Variants in DLGAP2 observed in about 807,000 individuals in gnomAD.
DLGAP2 encodes the protein DLG associated protein 2, also known as disks large-associated protein 2.
Under a neutral mutation model 100.3 loss-of-function variants are expected in DLGAP2, and 26 were observed. That is an observed-to-expected ratio of 0.26 (90% CI 0.19 to 0.36). The LOEUF (loss-of-function observed/expected upper bound fraction) is 0.36. Ranked by LOEUF, DLGAP2 falls within the 10% of genes least tolerant of loss-of-function variation. The probability of loss-of-function intolerance (pLI) is 1.00; values close to 1 mark genes in which losing one functional copy is unlikely to be tolerated. For synonymous variants in DLGAP2, 886 were observed against 630.1 expected, an observed-to-expected ratio of 1.41 and a Z score of -6.08; for missense variants, 1,858 against 1,453.2, an observed-to-expected ratio of 1.28 and a Z score of -4.53.
chr8:1,162,072 T>G (rs1232590306), intron 2 of DLGAP2, among the ~76,000 whole-genome samples: 1 of 152,170 alleles, frequency 6.6e-6, no homozygotes, highest in Non-Finnish European at 1.5e-5. Flanking sequence ...CAGCAGAAGT[T>G]CCAGCTGATT....
chr8:1,560,121 A>C (rs954025196), intron 5 of DLGAP2, among the ~76,000 whole-genome samples: 8 of 152,254 alleles, frequency 5.3e-5, no homozygotes, highest in Non-Finnish European at 1.0e-4. Flanking sequence ...TCATGTAGAC[A>C]ATTTAAAAAT....
At chr8:1,085,682 A>C (rs1055203234) in intron 2 of DLGAP2, among the ~76,000 whole-genome samples, 1 of 152,210 alleles carries the variant, frequency 6.6e-6, no homozygotes, top group African/African-American at 2.4e-5. Flanking sequence ...TTTGTAGTAT[A>C]GATTGAAATC....
chr8:1,270,672 G>T (rs1799563244), intron 3 of DLGAP2, among the ~76,000 whole-genome samples: 1 of 150,654 alleles, frequency 6.6e-6, no homozygotes, highest in Non-Finnish European at 1.5e-5. Context: ...GTCTCTGTGT[G>T]TGTCTCTCTA....
intron 3 of DLGAP2, among the ~76,000 whole-genome samples, chr8:1,420,597 C>G (rs115161076): frequency 6.6e-6 from 1 of 152,210 alleles, no homozygotes; most frequent in Non-Finnish European, 1.5e-5. Context: ...CTATGTTGAG[C>G]ATCAATGTCA....
In DLGAP2 at chr8:1,548,941, G is replaced by T; in HGVS notation, c.488G>T (p.Arg163Leu). 1 of 1,598,686 alleles carries T rather than the reference G, an allele frequency of 6.3e-7. No homozygotes were observed. The highest frequency in any genetic ancestry group is 8.5e-7 in the Non-Finnish European group (1 of 1,179,338). The change falls in exon 5 of 15, where the codon CGG becomes CTG. Residue 163 changes from arginine to leucine, a missense_variant. Transcript: ENST00000637795. Reference protein sequence around the residue: ...GDHVSSSTFPRMHYSSHYDTR... With the variant: ...GDHVSSSTFPLMHYSSHYDTR... The stretch of plus-strand genomic sequence containing the variant: ...CACGTGTCCAGCAGCACCTTCCCGC[G>T]GATGCACTACAGCTCGCACTACGAC...
chr8:1,032,312 C>G (rs536623692), intron 2 of DLGAP2, among the ~76,000 whole-genome samples: 1 of 152,188 alleles, frequency 6.6e-6, no homozygotes, highest in African/African-American at 2.4e-5. Flanking sequence ...CAGCTGCACC[C>G]GCTCCAGTTG....
rs553280914 is a variant in DLGAP2 at position 1,538,671 on chromosome 8, C to T, written c.173-9955C>T. On this transcript the variant is annotated intron_variant, in intron 4 of 14. Transcript: ENST00000637795. ...TGCGAGTGTCTAGAATGCCCTGGCC[C>T]TCTTTTCTAGGAATTGGATTGTACC... 4.6e-3 allele frequency among the ~76,000 whole-genome samples: 697 copies of T among 152,248 alleles called. 6 individuals are homozygous for T. Among genetic ancestry groups the T allele is most frequent in the African/African-American group, 0.015 (604 of 41,544 alleles).
intron 2 of DLGAP2, among the ~76,000 whole-genome samples, chr8:1,025,406 T>C (rs1801768773): frequency 6.6e-6 from 1 of 152,194 alleles, no homozygotes; most frequent in South Asian, 2.1e-4. Context: ...TGACAAAGAT[T>C]AATAAAATAG....
chr8:1,357,793 G>A (rs1280022694), intron 3 of DLGAP2, among the ~76,000 whole-genome samples: 3 of 152,192 alleles, frequency 2.0e-5, no homozygotes, highest in Non-Finnish European at 4.4e-5. Flanking sequence ...GCCATGCAGT[G>A]CTCTTCAGAC....
intron 1 of DLGAP2, among the ~76,000 whole-genome samples, chr8:767,247 G>T (rs1420877597): frequency 6.6e-6 from 1 of 152,014 alleles, no homozygotes; most frequent in East Asian, 1.9e-4. Flanking sequence ...TAAAAACACA[G>T]GAACACCAGC....
chr8:1,627,366 C>T (rs1200886948), intron 7 of DLGAP2, among the ~76,000 whole-genome samples: 3 of 152,156 alleles, frequency 2.0e-5, no homozygotes, highest in Non-Finnish European at 4.4e-5. Flanking sequence ...GGGACAGGCA[C>T]AGTGGCCAGG....
intron 3 of DLGAP2, among the ~76,000 whole-genome samples, chr8:1,329,472 A>G (rs1327278114): frequency 1.3e-5 from 2 of 152,308 alleles, no homozygotes; most frequent in African/African-American, 4.8e-5. Context: ...GAAATTTTTC[A>G]AATCTATCAT....
chr8:864,538 A>G (rs1435485877), intron 1 of DLGAP2, among the ~76,000 whole-genome samples: 1 of 152,198 alleles, frequency 6.6e-6, no homozygotes, highest in Middle Eastern at 3.2e-3. Context: ...TATAAGGCCA[A>G]TCTCTGCAGT....
intron 2 of DLGAP2, among the ~76,000 whole-genome samples, chr8:1,182,190 G>A (rs57029737): frequency 0.079 from 12,015 of 152,306 alleles, 1,401 homozygotes; most frequent in African/African-American, 0.25. Context: ...TCTCAGTCAC[G>A]GTGCTCTAAG....
At chr8:1,065,043 G>C (rs1300728588) in intron 2 of DLGAP2, among the ~76,000 whole-genome samples, 1 of 152,224 alleles carries the variant, frequency 6.6e-6, no homozygotes, top group Non-Finnish European at 1.5e-5. Flanking sequence ...CACAGTGGCT[G>C]ATTCCCACCC....
Position 879,161 on chromosome 8 carries a change from G to T in DLGAP2, c.19-28751G>T, listed in dbSNP as rs117592435. On this transcript the variant is annotated intron_variant, in intron 1 of 14. Coordinates refer to ENST00000637795, the MANE Select transcript of DLGAP2 (RefSeq NM_001346810.2). ...AGGATCACAAAGGGAGTTTGTGGAT[G>T]TGTCAGTTTGGGTTGGACCAGTTTA... Among the ~76,000 whole-genome samples the T allele has an allele frequency of 2.9e-3, 447 of 152,342 alleles. 2 individuals carry two copies. The highest frequency in any genetic ancestry group is 5.2e-3 in the Non-Finnish European group (351 of 68,032).
At chr8:1,457,809 C>G (rs1319987606) in intron 3 of DLGAP2, among the ~76,000 whole-genome samples, 3 of 151,900 alleles carry the variant, frequency 2.0e-5, no homozygotes, top group East Asian at 3.9e-4. Flanking sequence ...GTGATGGCAA[C>G]AAATAGCTGT....
chr8:1,331,116 C>A (rs187386063), intron 3 of DLGAP2, among the ~76,000 whole-genome samples: 2 of 152,206 alleles, frequency 1.3e-5, no homozygotes, highest in Non-Finnish European at 2.9e-5. Flanking sequence ...TACTCATGCA[C>A]GCTTTCTTTC....
At chr8:796,015 GAGAGCAGGC>G (rs1796028637) in intron 1 of DLGAP2, among the ~76,000 whole-genome samples, 81 of 146,724 alleles carry the variant, frequency 5.5e-4, no homozygotes, top group African/African-American at 1.4e-3. Flanking sequence ...GGCGTCCAGT[GAGAGCAGGC>G]ATCCAGTGAG....
Sources: gnomAD v4.1 joint callset for allele counts (sites outside exome capture counted in the v4.1 genomes callset) on GRCh38, gnomAD v4.1.1 for gene constraint, MANE v1.5 for transcripts, NCBI Gene and HGNC (gene_info 2026-07-23, HGNC 2026-07-21) for gene names.